PPME1: variants seen among roughly 807,000 people sequenced by gnomAD.
The protein encoded by PPME1 is protein phosphatase methylesterase 1, also known as testicular secretory protein Li 39.
A neutral mutation model predicts 56.9 loss-of-function variants in PPME1; 17 were observed. The observed-to-expected ratio is 0.30, with a 90% confidence interval of 0.20 to 0.45. PPME1 has a LOEUF of 0.45. Ranked by LOEUF, PPME1 falls within the 20% of genes least tolerant of loss-of-function variation. PPME1 has a pLI of 1.00. For missense variants in PPME1, 357 were observed against 483.2 expected (o/e 0.74, Z 2.45); for synonymous variants, 122 against 156.2 (o/e 0.78, Z 1.63).
intron 1 of PPME1, among the ~76,000 whole-genome samples, chr11:74,175,922 T>C (rs1857390901): frequency 6.6e-6 from 1 of 152,240 alleles, no homozygotes; most frequent in African/African-American, 2.4e-5. Flanking sequence ...GTTCTTTCTA[T>C]AGCTTGCATT....
At chr11:74,240,824 C>T (rs1306172452) in intron 9 of PPME1, among the ~76,000 whole-genome samples, 5 of 152,164 alleles carry the variant, frequency 3.3e-5, no homozygotes, top group Non-Finnish European at 7.3e-5. Flanking sequence ...AGATTTGAGA[C>T]TCTTAATATA....
chr11:74,194,411 G>A (rs1857927118), intron 1 of PPME1, among the ~76,000 whole-genome samples: 1 of 152,014 alleles, frequency 6.6e-6, no homozygotes, highest in South Asian at 2.1e-4. Flanking sequence ...TGCCATCAAG[G>A]TAAAAGCCAG....
chr11:74,232,752 T>C (rs1227238681), intron 7 of PPME1, among the ~76,000 whole-genome samples: 2 of 150,950 alleles, frequency 1.3e-5, no homozygotes, highest in Non-Finnish European at 1.5e-5. Context: ...ATTACAGCTC[T>C]CACCGCAGCC....
chr11:74,251,824 C>A, intron 13 of PPME1, 109 bp downstream of exon 13: 1 of 1,346,372 alleles, frequency 7.4e-7, no homozygotes, highest in African/African-American at 1.4e-5. Flanking sequence ...GGTTTGGTCA[C>A]CATGCCTTTC....
intron 1 of PPME1, among the ~76,000 whole-genome samples, chr11:74,195,961 A>G (rs887254764): frequency 1.3e-5 from 2 of 152,244 alleles, no homozygotes; most frequent in African/African-American, 4.8e-5. Context: ...AAAAAAGCAA[A>G]AAGTTGTACA....
intron 1 of PPME1, among the ~76,000 whole-genome samples, chr11:74,174,698 T>C (rs1361377632): frequency 1.3e-5 from 2 of 152,232 alleles, no homozygotes. Flanking sequence ...TTCCAAAGTA[T>C]TGTTGGATAA....
intron 3 of PPME1, among the ~76,000 whole-genome samples, chr11:74,214,917 CAG>C (rs1243225755): frequency 2.0e-5 from 3 of 152,134 alleles, no homozygotes; most frequent in Non-Finnish European, 4.4e-5. Flanking sequence ...CAGAAAAACA[CAG>C]AATAACATTG....
Position 74,251,570 on chromosome 11 carries a change from T to G in PPME1, c.1075-78T>G, listed in dbSNP as rs1338046280. The G allele has an allele frequency of 7.6e-6, 12 of 1,575,482 alleles. No individual in the cohort carries two copies. The South Asian group carries it at 1.3e-4, about 17-fold the overall frequency. On this transcript the variant is annotated intron_variant, in intron 12 of 13. Transcript: ENST00000328257. Reference sequence around the variant, plus strand: ...ATGAGGGCACCGTAGAGCCTAACCATCTAACAGTAGCTCACAGCCCAAGGC... The same window carrying G: ...ATGAGGGCACCGTAGAGCCTAACCAGCTAACAGTAGCTCACAGCCCAAGGC...
At chr11:74,211,394 A>T (rs1250146641) in intron 3 of PPME1, among the ~76,000 whole-genome samples, 1 of 152,198 alleles carries the variant, frequency 6.6e-6, no homozygotes, top group East Asian at 1.9e-4. Context: ...ACATAATCTA[A>T]AAGTCTATCA....
At chr11:74,208,774 AG>A (rs1858395619) in intron 3 of PPME1, among the ~76,000 whole-genome samples, 1 of 152,230 alleles carries the variant, frequency 6.6e-6, no homozygotes, top group Admixed American at 6.5e-5. Context: ...GGGGACTACA[AG>A]GAAAGTTTCA....
intron 3 of PPME1, among the ~76,000 whole-genome samples, 160 bp downstream of exon 3, chr11:74,204,605 G>A (rs762417710): frequency 1.1e-4 from 16 of 152,154 alleles, no homozygotes; most frequent in Admixed American, 3.9e-4. Context: ...TATGTCTGAA[G>A]AACAAAGAGA....
At chr11:74,181,012 T>A (rs1179158302) in intron 1 of PPME1, among the ~76,000 whole-genome samples, 1 of 151,112 alleles carries the variant, frequency 6.6e-6, no homozygotes, top group East Asian at 1.9e-4. Context: ...TTGTTGGCAA[T>A]GCCTTCCATT....
intron 9 of PPME1, among the ~76,000 whole-genome samples, chr11:74,244,347 A>C (rs1265809632): frequency 6.6e-6 from 1 of 152,142 alleles, no homozygotes. Context: ...AACTGCCTTG[A>C]TGTTTTTCTT....
chr11:74,200,304 A>G (rs1399738687), intron 1 of PPME1, among the ~76,000 whole-genome samples: 4 of 152,138 alleles, frequency 2.6e-5, no homozygotes, highest in African/African-American at 9.7e-5. Context: ...ATGTCTAATA[A>G]TACTAGTTAC....
At chr11:74,206,607 A>G (rs1221948431) in intron 3 of PPME1, among the ~76,000 whole-genome samples, 1 of 152,202 alleles carries the variant, frequency 6.6e-6, no homozygotes, top group Non-Finnish European at 1.5e-5. Context: ...TCAGTCTATC[A>G]CCCAGATTAG....
In PPME1 at chr11:74,250,936, G is replaced by C. The variant is rs751399208; in HGVS notation, c.1010-18G>C. ...CTCTTTTAGTCGCTGAAGTTGCCTT[G>C]CTTTGATTCCTCTCCAGGGAAGTTC... On this transcript the variant is annotated intron_variant, in intron 11 of 13. Transcript: ENST00000328257. 6.6e-5 allele frequency: 105 copies of C among 1,585,948 alleles called. No homozygotes were observed. Among genetic ancestry groups the C allele is most frequent in the Non-Finnish European group, 8.8e-5 (103 of 1,164,348 alleles).
At chr11:74,216,476 G>A (rs1378359128) in intron 3 of PPME1, among the ~76,000 whole-genome samples, 1 of 152,134 alleles carries the variant, frequency 6.6e-6, no homozygotes, top group South Asian at 2.1e-4. Context: ...CAAAGCCTGT[G>A]AGATACAGTG....
At position 74,203,793 on chromosome 11, in the gene PPME1, T is replaced by C; in HGVS notation, c.167T>C (p.Val56Ala). The C allele has an allele frequency of 6.2e-7, 1 of 1,612,154 alleles. No individual in the cohort carries two copies. Among genetic ancestry groups the C allele is most frequent in the Non-Finnish European group, 8.5e-7 (1 of 1,178,892 alleles). Residue 56 changes from valine (V) to alanine (A), a missense_variant, in exon 2 of 14, where the codon GTA becomes GCA. Physicochemically the swap from Val to Ala is moderately conservative, Grantham distance 64. This residue lies in a region of PPME1 where 175 missense variants were observed against 189.4 expected (regional missense o/e 0.92). Transcript: ENST00000328257. Reference sequence around the variant, plus strand: ...CAGTATTTTGAGTCCATGGAAGATGTAGAAGTAGAGAATGAAACTGGCAAG... The same window carrying C: ...CAGTATTTTGAGTCCATGGAAGATGCAGAAGTAGAGAATGAAACTGGCAAG... ...WSQYFESMED[V>A]EVENETGKDT...
intron 5 of PPME1, among the ~76,000 whole-genome samples, chr11:74,226,978 T>C (rs1437105351): frequency 6.6e-6 from 1 of 152,044 alleles, no homozygotes; most frequent in African/African-American, 2.4e-5. Flanking sequence ...ACGACCATGG[T>C]TTACTGAAGG....
Sources: gnomAD v4.1 joint callset for allele counts (sites outside exome capture counted in the v4.1 genomes callset) on GRCh38, gnomAD v4.1.1 for gene constraint, gnomAD v4.1.1 regional missense constraint, MANE v1.5 for transcripts, NCBI Gene and HGNC (gene_info 2026-07-23, HGNC 2026-07-21) for gene names.